NUP62: variants seen among roughly 807,000 people sequenced by gnomAD.
The protein encoded by NUP62 is nucleoporin 62.
For synonymous variants in NUP62, 305 were observed against 303.4 expected (o/e 1.01, Z -0.05); for missense variants, 647 against 689.4 (o/e 0.94, Z 0.69).
chr19:49,927,608 T>A (rs2075933571), intron 2 of NUP62, 86 bp downstream of exon 2: 1 of 152,132 alleles, frequency 6.6e-6, no homozygotes. Context: ...GAGTGGACAG[T>A]AAGTGCTCTA....
At chr19:49,928,740 C>T (rs1013123859) in intron 1 of NUP62, 1 of 152,158 alleles carries the variant, frequency 6.6e-6, no homozygotes. Context: ...GACTCTAACC[C>T]ACGAGGGTTT....
intron 2 of NUP62, among the ~76,000 whole-genome samples, chr19:49,910,557 G>C (rs1027786352): frequency 1.3e-5 from 2 of 152,162 alleles, no homozygotes; most frequent in African/African-American, 4.8e-5. Flanking sequence ...CAGGCAATCG[G>C]AGCCTCCCCT....
chr19:49,921,027 G>A lies in NUP62; in HGVS notation c.-78+6667C>T, dbSNP rs905775507. Among the ~76,000 whole-genome samples the A allele has an allele frequency of 6.6e-6, 1 of 152,148 alleles. No homozygotes were observed. Among genetic ancestry groups the A allele is most frequent in the African/African-American group, 2.4e-5 (1 of 41,422 alleles). Reference sequence around the variant, plus strand: ...GGCAGCCAGAAGATGGGGGCAGGGTGGCTTTCATTATGAGAACTGGAAGCA... The same window carrying A: ...GGCAGCCAGAAGATGGGGGCAGGGTAGCTTTCATTATGAGAACTGGAAGCA... On this transcript the variant is annotated intron_variant, in intron 2 of 2. Transcript: ENST00000352066. This position sits in a 1 kb window ranked among gnomAD's most constrained non-coding sequence, Gnocchi z 5.4.
chr19:49,914,726 GTTTTTTTTTTTTTTTT>G (rs530372497), intron 2 of NUP62, among the ~76,000 whole-genome samples: 866 of 56,424 alleles, frequency 0.015, 18 homozygotes, highest in Non-Finnish European at 0.022. Context: ...CCAAGTCCCA[GTTTTTTTTTTTTTTTT>G]TTTTTTTTTT....
intron 2 of NUP62, among the ~76,000 whole-genome samples, chr19:49,916,171 G>A (rs751420989): frequency 1.6e-4 from 25 of 152,152 alleles, no homozygotes; most frequent in Non-Finnish European, 3.5e-4. Flanking sequence ...AGCTTTCCAG[G>A]GCCAAGTCTT....
At position 49,909,766 on chromosome 19, in the gene NUP62, G is replaced by A. The variant is rs540481454; in HGVS notation, c.42C>T (p.Gly14=). ...TCTTTGCAGTGCCAAACGTGAACCC[G>A]CCTGTAGGGGCCCCAGTGCCTCCAA... ...FNFGGTGAPT[G]GFTFGTAKTA... The change falls in exon 3 of 3, where the codon GGC becomes GGT. Residue 14 remains glycine (G), a synonymous_variant. Coordinates refer to ENST00000352066, the MANE Select transcript of NUP62 (RefSeq NM_016553.5). The A allele has an allele frequency of 3.1e-6, 5 of 1,614,120 alleles. No individual in the cohort carries two copies. The highest frequency in any genetic ancestry group is 1.1e-5 in the South Asian group (1 of 91,076).
intron 2 of NUP62, among the ~76,000 whole-genome samples, chr19:49,914,644 G>A (rs2075571454): frequency 6.7e-6 from 1 of 150,046 alleles, no homozygotes; most frequent in Non-Finnish European, 1.5e-5. Context: ...GTGAGAACCA[G>A]GGTTCTTTGC....
chr19:49,914,683 T>C (rs922586480), intron 2 of NUP62, among the ~76,000 whole-genome samples: 1 of 146,972 alleles, frequency 6.8e-6, no homozygotes, highest in Admixed American at 6.9e-5. Flanking sequence ...TCAGCTCTAC[T>C]ACCTTACCTC....
Position 49,914,622 on chromosome 19 carries a change from C to G in NUP62, c.-77-4738G>C, listed in dbSNP as rs558881446. Among the ~76,000 whole-genome samples the G allele has an allele frequency of 2.4e-3, 358 of 152,128 alleles. 3 individuals carry two copies. The highest frequency in any genetic ancestry group is 8.4e-3 in the African/African-American group (348 of 41,506). ...TCATCTGAATTCAGGTGGGCATATCCCACCCCCATCTGTGAGAACCAGGGT... is the reference window on the plus strand; with the variant it reads ...TCATCTGAATTCAGGTGGGCATATCGCACCCCCATCTGTGAGAACCAGGGT... On this transcript the variant is annotated intron_variant, in intron 2 of 2. Coordinates refer to ENST00000352066, the MANE Select transcript of NUP62 (RefSeq NM_016553.5).
At chr19:49,924,387 T>C (rs1276601120) in intron 2 of NUP62, among the ~76,000 whole-genome samples, 6 of 152,170 alleles carry the variant, frequency 3.9e-5, no homozygotes, top group Non-Finnish European at 1.5e-5. Flanking sequence ...GGGTTCTCCC[T>C]TATCCAAGGC....
intron 2 of NUP62, among the ~76,000 whole-genome samples, chr19:49,916,664 T>A (rs1447962055): frequency 6.6e-6 from 1 of 151,496 alleles, no homozygotes; most frequent in Non-Finnish European, 1.5e-5. Flanking sequence ...CTCGGGAGGC[T>A]GAGGCAGGAG....
chr19:49,909,726 G>T lies in NUP62; in HGVS notation c.82C>A (p.Pro28Thr). 1.2e-6 allele frequency: 2 copies of T among 1,614,144 alleles called. No homozygotes were observed. The highest frequency in any genetic ancestry group is 8.5e-7 in the Non-Finnish European group (1 of 1,180,042). Residue 28 changes from proline to threonine, a missense_variant, in exon 3 of 3, where the codon CCT becomes ACT. Transcript: ENST00000352066. ...FGTAKTATTT[P>T]ATGFSFSTSG... ...GTGGAGAAAGAAAACCCTGTAGCAG[G>T]TGTGGTTGTTGCCGTCTTTGCAGTG...
In NUP62 at chr19:49,909,086, G is replaced by C; in HGVS notation, c.722C>G (p.Thr241Ser). ...GGGGGCGCCCGCTGTGGTCACAGGG[G>C]TACAGAGGGAGAGTCCAGTGGTGGC... ...SSATTGLSLC[T>S]PVTTAGAPTA... The change falls in exon 3 of 3, where the codon ACC (threonine) becomes AGC (serine). Residue 241 changes from threonine (T) to serine (S), a missense_variant. Physicochemically the swap from Thr to Ser is moderately conservative, Grantham distance 58. Coordinates refer to ENST00000352066, the MANE Select transcript of NUP62 (RefSeq NM_016553.5). 1 of 1,612,616 alleles carries C rather than the reference G, an allele frequency of 6.2e-7. No homozygotes were observed. The highest frequency in any genetic ancestry group is 8.5e-7 in the Non-Finnish European group (1 of 1,180,044).
chr19:49,925,280 A>AAAAAC (rs1223742830), intron 2 of NUP62, among the ~76,000 whole-genome samples: 1 of 151,938 alleles, frequency 6.6e-6, no homozygotes, highest in Non-Finnish European at 1.5e-5. Context: ...AAAAAAATTA[A>AAAAAC]AAAACAAAAC....
chr19:49,929,090 A>T (rs2075992419), intron 1 of NUP62: 1 of 152,352 alleles, frequency 6.6e-6, no homozygotes, highest in Non-Finnish European at 1.5e-5. Context: ...CCCCAGGAGG[A>T]GGGGACCCGG....
At chr19:49,926,281 G>A (rs918381908) in intron 2 of NUP62, among the ~76,000 whole-genome samples, 1 of 148,438 alleles carries the variant, frequency 6.7e-6, no homozygotes, top group Non-Finnish European at 1.5e-5. Context: ...GTAAATCCCA[G>A]CATTTTGGGA....
intron 2 of NUP62, among the ~76,000 whole-genome samples, chr19:49,923,774 T>G (rs2075819302): frequency 6.6e-6 from 1 of 152,222 alleles, no homozygotes; most frequent in Non-Finnish European, 1.5e-5. Context: ...AGAAAGAGGA[T>G]GCCACTTGCT....
chr19:49,919,587 T>C (rs2075714631), intron 2 of NUP62, among the ~76,000 whole-genome samples: 1 of 152,140 alleles, frequency 6.6e-6, no homozygotes, highest in Admixed American at 6.5e-5. Flanking sequence ...TTCAACCTTC[T>C]CTCCTGCTTT....
Position 49,909,799 on chromosome 19 carries a change from C to A in NUP62, c.9G>T (p.Gly3=), listed in dbSNP as rs1271818934. The A allele has an allele frequency of 1.2e-6, 2 of 1,613,984 alleles. No individual in the cohort carries two copies. Among genetic ancestry groups the A allele is most frequent in the Admixed American group, 1.7e-5 (1 of 60,012 alleles). The part of the protein sequence containing the change: MS[G]FNFGGTGAPT... The stretch of plus-strand genomic sequence containing the variant: ...GGGCCCCAGTGCCTCCAAAATTAAA[C>A]CCGCTCATGGCTCCGGACTCTGGTG... The change falls in exon 3 of 3, where the codon GGG becomes GGT. Residue 3 remains glycine, a synonymous_variant. Coordinates refer to ENST00000352066, the MANE Select transcript of NUP62 (RefSeq NM_016553.5).
Sources: gnomAD v4.1 joint callset for allele counts (sites outside exome capture counted in the v4.1 genomes callset) on GRCh38, gnomAD v4.1.1 for gene constraint, Gnocchi (gnomAD v3.1) non-coding constraint, MANE v1.5 for transcripts, NCBI Gene and HGNC (gene_info 2026-07-23, HGNC 2026-07-21) for gene names.